The following ATAD2 variants were observed in gnomAD, a reference collection of about 807,000 sequenced individuals.
ATAD2 encodes the protein ATPase family AAA domain-containing protein 2.
In ATAD2, 62 loss-of-function variants were observed where a neutral mutation model predicts 168.9. The ratio of observed to expected loss-of-function variants is 0.37; its 90% CI spans 0.30 to 0.45. ATAD2 has a LOEUF of 0.45. Ranked by LOEUF, ATAD2 falls within the 20% of genes least tolerant of loss-of-function variation. The pLI is 1.00. For synonymous variants in ATAD2, 613 were observed against 571.6 expected (o/e 1.07, Z -1.03); for missense variants, 1,419 against 1,667.8 (o/e 0.85, Z 2.60).
intron 27 of ATAD2, among the ~76,000 whole-genome samples, chr8:123,322,637 C>T (rs141698553): frequency 1.3e-5 from 2 of 152,274 alleles, no homozygotes; most frequent in Non-Finnish European, 2.9e-5. Context: ...CGCACCACTG[C>T]ACTCCAGCCT....
chr8:123,338,987 A>T (rs1245349783), intron 20 of ATAD2, among the ~76,000 whole-genome samples: 1 of 152,234 alleles, frequency 6.6e-6, no homozygotes, highest in Admixed American at 6.5e-5. Context: ...TTACTAAAAT[A>T]GTGAAAAGGT....
At chr8:123,389,548 G>C (rs1233959212) in intron 1 of ATAD2, among the ~76,000 whole-genome samples, 2 of 151,608 alleles carry the variant, frequency 1.3e-5, no homozygotes, top group African/African-American at 4.8e-5. Flanking sequence ...GCTGAGGCAG[G>C]AGAATGGCGT....
At chr8:123,404,723 C>T (rs967290928) in intron 1 of ATAD2, among the ~76,000 whole-genome samples, 2 of 152,050 alleles carry the variant, frequency 1.3e-5, no homozygotes, top group Admixed American at 6.6e-5. Flanking sequence ...CCCGCCACCA[C>T]GCCTGGCTAA....
intron 1 of ATAD2, among the ~76,000 whole-genome samples, chr8:123,408,480 G>T (rs1813100127): frequency 6.6e-6 from 1 of 152,114 alleles, no homozygotes; most frequent in African/African-American, 2.4e-5. Flanking sequence ...CAGAGCCATG[G>T]CATTAATGGT....
In ATAD2 at chr8:123,333,906, C is replaced by T. The variant is rs147456124; in HGVS notation, c.3450G>A (p.Pro1150=). 5.5e-5 allele frequency: 88 copies of T among 1,613,970 alleles called. No individual in the cohort carries two copies. In the East Asian group the frequency reaches 6.5e-4, roughly 12 times the overall value. Residue 1150 remains proline (P), a synonymous_variant, in exon 24 of 28, where the codon CCG becomes CCA. Coordinates refer to ENST00000287394, the MANE Select transcript of ATAD2 (RefSeq NM_014109.4). The part of the protein sequence containing the change: ...DPEQNEKLKT[P]STPVACSTPA... ...GAGTGCTGCAAGCCACAGGAGTACTCGGTGTCTTTAGCTTTTCATTCTGCT... is the reference window on the plus strand; with the variant it reads ...GAGTGCTGCAAGCCACAGGAGTACTTGGTGTCTTTAGCTTTTCATTCTGCT...
intron 2 of ATAD2, among the ~76,000 whole-genome samples, chr8:123,373,521 G>C (rs1477581429): frequency 6.6e-6 from 1 of 152,116 alleles, no homozygotes; most frequent in East Asian, 1.9e-4. Flanking sequence ...AGGCACAGTA[G>C]TTCACACCTG....
In ATAD2 at chr8:123,357,651, T is replaced by G. The variant is rs746537419; in HGVS notation, c.1468A>C (p.Arg490=). The change falls in exon 12 of 28, where the codon AGA becomes CGA. Residue 490 remains arginine (R), a synonymous_variant. Coordinates refer to ENST00000287394, the MANE Select transcript of ATAD2 (RefSeq NM_014109.4). ...LANECSQGDK[R]VAFFMRKGAD... ...CCTTTCCTCATGAAAAATGCTACTC[T>G]TTTATCCCCTTGACTGCACTCATTG... 2.5e-5 allele frequency: 40 copies of G among 1,614,010 alleles called. No homozygotes were observed. The highest frequency in any genetic ancestry group is 3.2e-5 in the Non-Finnish European group (38 of 1,180,012).
At chr8:123,367,243 C>T (rs764956211) in intron 8 of ATAD2, among the ~76,000 whole-genome samples, 1 of 151,974 alleles carries the variant, frequency 6.6e-6, no homozygotes, top group Non-Finnish European at 1.5e-5. Context: ...GTGAAAACCC[C>T]GTCTCTACTA....
intron 27 of ATAD2, among the ~76,000 whole-genome samples, chr8:123,321,987 CT>C (rs869048943): frequency 5.0e-3 from 683 of 136,238 alleles, no homozygotes; most frequent in Middle Eastern, 7.3e-3. Flanking sequence ...GTACATAAGT[CT>C]TTTTTTTTTT....
At chr8:123,388,193 T>C (rs1430110074) in intron 1 of ATAD2, among the ~76,000 whole-genome samples, 1 of 152,096 alleles carries the variant, frequency 6.6e-6, no homozygotes, top group Non-Finnish European at 1.5e-5. Flanking sequence ...AACTGATCAC[T>C]ACCTTCTTTA....
chr8:123,349,547 T>C, intron 13 of ATAD2, 103 bp from the exon 14 acceptor site: 1 of 1,144,962 alleles, frequency 8.7e-7, no homozygotes, highest in Non-Finnish European at 1.2e-6. Flanking sequence ...TACATGTGAA[T>C]AAATTTTCTC....
chr8:123,369,029 A>G (rs748792955), intron 8 of ATAD2, 29 bp downstream of exon 8: 1 of 1,356,246 alleles, frequency 7.4e-7, no homozygotes, highest in Non-Finnish European at 1.0e-6. Flanking sequence ...TTATGTTGTC[A>G]TAAATCAATC....
chr8:123,379,870 GTATTAT>G (rs200843075), intron 2 of ATAD2, among the ~76,000 whole-genome samples: 59 of 135,502 alleles, frequency 4.4e-4, no homozygotes, highest in Admixed American at 1.5e-3. Flanking sequence ...GCCCGGCCAC[GTATTAT>G]TATTATTATT....
intron 1 of ATAD2, among the ~76,000 whole-genome samples, chr8:123,381,634 C>G (rs1829496397): frequency 1.3e-5 from 2 of 152,154 alleles, no homozygotes; most frequent in Admixed American, 1.3e-4. Context: ...GCTTTATGAG[C>G]TAGAGGTTCT....
intron 18 of ATAD2, 24 bp downstream of exon 18, chr8:123,346,062 T>G (rs770273406): frequency 1.4e-6 from 2 of 1,465,246 alleles, no homozygotes; most frequent in South Asian, 1.5e-5. Context: ...TGTTTTGTCT[T>G]ATACTTGGGC....
intron 2 of ATAD2, 94 bp downstream of exon 2, chr8:123,380,435 A>C: frequency 7.8e-7 from 1 of 1,290,126 alleles, no homozygotes; most frequent in Non-Finnish European, 1.1e-6. Context: ...TAGAACCTTG[A>C]TGACCAGTCA....
In ATAD2 at chr8:123,347,336, T is replaced by C; in HGVS notation, c.1968A>G (p.Pro656=). 1 of 1,613,954 alleles carries C rather than the reference T, an allele frequency of 6.2e-7. No individual in the cohort carries two copies. Among genetic ancestry groups the C allele is most frequent in the Non-Finnish European group, 8.5e-7 (1 of 1,180,004 alleles). ...AALCALRRRY[P]QIYTTSEKLQ... Reference sequence around the variant, plus strand: ...GTTTCTCACTAGTGGTATAGATCTGTGGGTAGCGTCGTCGTAAAGCACATA... The same window carrying C: ...GTTTCTCACTAGTGGTATAGATCTGCGGGTAGCGTCGTCGTAAAGCACATA... The change falls in exon 16 of 28, where the codon CCA becomes CCG. Residue 656 remains proline (P), a synonymous_variant. Transcript: ENST00000287394.
intron 22 of ATAD2, among the ~76,000 whole-genome samples, chr8:123,336,000 A>G (rs1586861028): frequency 1.3e-5 from 2 of 152,342 alleles, no homozygotes; most frequent in Admixed American, 1.3e-4. Flanking sequence ...GGTCTTAACT[A>G]ATAGAATATT....
At chr8:123,324,027 G>T (rs373750351) in intron 26 of ATAD2, among the ~76,000 whole-genome samples, 13 of 152,034 alleles carry the variant, frequency 8.6e-5, no homozygotes, top group Admixed American at 3.3e-4. Flanking sequence ...ACATAACACG[G>T]TGAACTTACA....
Sources: gnomAD v4.1 joint callset for allele counts (sites outside exome capture counted in the v4.1 genomes callset) on GRCh38, gnomAD v4.1.1 for gene constraint, MANE v1.5 for transcripts, NCBI Gene and HGNC (gene_info 2026-07-23, HGNC 2026-07-21) for gene names.